SHCBP1: variants seen among roughly 807,000 people sequenced by gnomAD.
The protein encoded by SHCBP1 is SHC binding and spindle associated 1, also known as SHC SH2 domain-binding protein 1.
SHCBP1 carries 60 observed loss-of-function variants against 75.1 expected under a neutral mutation model. That is an observed-to-expected ratio of 0.80 (90% CI 0.65 to 0.99). The LOEUF (loss-of-function observed/expected upper bound fraction) is 0.99. Ranked by LOEUF, SHCBP1 falls within the 50% of genes least tolerant of loss-of-function variation. The probability of loss-of-function intolerance (pLI) is 0.00; values close to 1 mark genes in which losing one functional copy is unlikely to be tolerated. For missense variants in SHCBP1, 709 were observed against 809.4 expected (o/e 0.88, Z 1.50); for synonymous variants, 290 against 293.2 (o/e 0.99, Z 0.11).
chr16:46,615,345 G>A (rs1055442039), intron 4 of SHCBP1, among the ~76,000 whole-genome samples: 1 of 152,126 alleles, frequency 6.6e-6, no homozygotes, highest in Admixed American at 6.6e-5. Flanking sequence ...ATGTAGGGGT[G>A]GGGGGAGATA....
intron 1 of SHCBP1, 144 bp downstream of exon 1, chr16:46,621,113 A>C: frequency 1.5e-6 from 1 of 669,150 alleles, no homozygotes; most frequent in East Asian, 3.1e-5. Flanking sequence ...AGGTCCCGTC[A>C]CTGGGTCCCG....
intron 10 of SHCBP1, among the ~76,000 whole-genome samples, chr16:46,589,708 A>G (rs1283796398): frequency 6.6e-6 from 1 of 152,214 alleles, no homozygotes; most frequent in Non-Finnish European, 1.5e-5. Context: ...ATGCTCATGG[A>G]TAGGAAGAAT....
intron 11 of SHCBP1, 49 bp from the exon 12 acceptor site, chr16:46,583,706 C>A: frequency 6.4e-7 from 1 of 1,570,942 alleles, no homozygotes; most frequent in South Asian, 1.2e-5. Context: ...TTCAACATTT[C>A]CTGCCTTAAA....
At position 46,579,173 on chromosome 16, in the gene SHCBP1, T is replaced by C. The variant is rs1245267911; in HGVS notation, c.*2556A>G. Among the ~76,000 whole-genome samples, 1 of 151,896 alleles carries C rather than the reference T, an allele frequency of 6.6e-6. No homozygotes were observed. Among genetic ancestry groups the C allele is most frequent in the East Asian group, 1.9e-4 (1 of 5,158 alleles). ...CATAAATTCAAGGTCACACTAAGAG[T>C]GGACCATAAGGACAGGACACACAAT... On this transcript the variant is annotated 3_prime_UTR_variant, in exon 13 of 13. Transcript: ENST00000303383.
At chr16:46,615,817 T>A (rs1021809830) in intron 4 of SHCBP1, 129 bp downstream of exon 4, 79 of 703,736 alleles carry the variant, frequency 1.1e-4, no homozygotes, top group Middle Eastern at 7.9e-4. Flanking sequence ...TATCTTTGGA[T>A]ATTTTTAAAT....
chr16:46,591,034 G>A (rs527844035), intron 10 of SHCBP1, among the ~76,000 whole-genome samples: 1 of 152,272 alleles, frequency 6.6e-6, no homozygotes, highest in African/African-American at 2.4e-5. Context: ...GGATGAAGCT[G>A]GAAACCATCA....
intron 5 of SHCBP1, among the ~76,000 whole-genome samples, chr16:46,605,597 AAAAC>A (rs1216640259): frequency 2.6e-5 from 4 of 152,298 alleles, no homozygotes; most frequent in East Asian, 1.9e-4. Flanking sequence ...CCTGTCTCAA[AAAAC>A]AAACAAACAA....
At chr16:46,602,163 C>T (rs2143000281) in intron 8 of SHCBP1, among the ~76,000 whole-genome samples, 1 of 152,318 alleles carries the variant, frequency 6.6e-6, no homozygotes, top group African/African-American at 2.4e-5. Context: ...GAACTCTTAT[C>T]TACCATACAA....
chr16:46,593,832 A>T (rs957812778), intron 10 of SHCBP1, among the ~76,000 whole-genome samples: 1 of 152,034 alleles, frequency 6.6e-6, no homozygotes, highest in Non-Finnish European at 1.5e-5. Flanking sequence ...TCCCAAATTG[A>T]CATATGGGTT....
In SHCBP1 at chr16:46,588,137, A is replaced by G. The variant is rs8058433; in HGVS notation, c.1465-4048T>C. On this transcript the variant is annotated intron_variant, in intron 10 of 12. Transcript: ENST00000303383. ...TGAAACCAACGAGAACAAAGACACAACATACCAGAATCTCTGGGACACATT... is the reference window on the plus strand; with the variant it reads ...TGAAACCAACGAGAACAAAGACACAGCATACCAGAATCTCTGGGACACATT... Among the ~76,000 whole-genome samples the G allele has an allele frequency of 6.5e-3, 992 of 152,360 alleles. 15 individuals are homozygous for G. The highest frequency in any genetic ancestry group is 0.022 in the African/African-American group (919 of 41,580).
At chr16:46,591,997 A>C (rs761581059) in intron 10 of SHCBP1, among the ~76,000 whole-genome samples, 1 of 152,118 alleles carries the variant, frequency 6.6e-6, no homozygotes, top group Non-Finnish European at 1.5e-5. Flanking sequence ...TTACATTAGA[A>C]AAGAGAAAAA....
rs529046368 is a variant in SHCBP1, at chr16:46,618,084, G to A, written c.271+121C>T. 12 of 966,844 alleles carry A rather than the reference G, an allele frequency of 1.2e-5. No individual in the cohort carries two copies. The African/African-American group carries it at 1.8e-4, about 15-fold the overall frequency. 59.9% of individuals were successfully genotyped at this position (966,844 alleles called of 1,614,324 possible). ...CCAGCTACTAGGGAGGCTGAGGCAGGAGAATCACCTGAACCTGGGAGGCGG... is the reference window on the plus strand; with the variant it reads ...CCAGCTACTAGGGAGGCTGAGGCAGAAGAATCACCTGAACCTGGGAGGCGG... On this transcript the variant is annotated intron_variant, in intron 2 of 12. Transcript: ENST00000303383.
At chr16:46,605,897 G>A (rs1965318978) in intron 5 of SHCBP1, among the ~76,000 whole-genome samples, 1 of 151,296 alleles carries the variant, frequency 6.6e-6, no homozygotes, top group Admixed American at 6.6e-5. Flanking sequence ...AGTGAATTAG[G>A]TGAAGCTTGA....
In SHCBP1 at chr16:46,604,325, C is replaced by T. The variant is rs1221524765; in HGVS notation, c.826G>A (p.Glu276Lys). The change falls in exon 6 of 13, where the codon GAG (glutamate) becomes AAG (lysine). Residue 276 changes from glutamate (E) to lysine (K), a missense_variant. Physicochemically the swap from Glu to Lys is moderately conservative, Grantham distance 56 (BLOSUM62 1). Transcript: ENST00000303383. The stretch of plus-strand genomic sequence containing the variant: ...TCCACCATGGAGATATTTTCCTGCT[C>T]GGAATCAGAGTTACAATTTGACAAA... ...SSLSNCNSDS[E>K]QENISMVEGL... The T allele has an allele frequency of 1.2e-6, 2 of 1,614,024 alleles. No individual in the cohort carries two copies. The highest frequency in any genetic ancestry group is 2.7e-5 in the African/African-American group (2 of 74,924).
At chr16:46,592,869 G>GA (rs1398736596) in intron 10 of SHCBP1, among the ~76,000 whole-genome samples, 2 of 111,196 alleles carry the variant, frequency 1.8e-5, no homozygotes, top group African/African-American at 3.3e-5. Context: ...AATCTATCCA[G>GA]AAAAAACATT....
intron 1 of SHCBP1, among the ~76,000 whole-genome samples, chr16:46,618,789 G>T (rs1024307810): frequency 6.6e-6 from 1 of 152,114 alleles, no homozygotes; most frequent in East Asian, 1.9e-4. Flanking sequence ...CTACAGACAT[G>T]CACCACCACA....
chr16:46,609,155 C>G (rs1241619300), intron 4 of SHCBP1, among the ~76,000 whole-genome samples: 1 of 152,048 alleles, frequency 6.6e-6, no homozygotes, highest in African/African-American at 2.4e-5. Context: ...GTTCTCAACC[C>G]TCATTGTACA....
intron 2 of SHCBP1, among the ~76,000 whole-genome samples, 171 bp downstream of exon 2, chr16:46,618,034 G>A (rs1965529113): frequency 6.6e-6 from 1 of 152,148 alleles, no homozygotes. Flanking sequence ...AAAATTATCT[G>A]GTGGTATGGC....
chr16:46,585,693 TG>T (rs1229477379), intron 10 of SHCBP1, among the ~76,000 whole-genome samples: 1 of 152,182 alleles, frequency 6.6e-6, no homozygotes, highest in Non-Finnish European at 1.5e-5. Context: ...ATGAGGAGCC[TG>T]GACTTGTACC....
Sources: gnomAD v4.1 joint callset for allele counts (sites outside exome capture counted in the v4.1 genomes callset) on GRCh38, gnomAD v4.1.1 for gene constraint, MANE v1.5 for transcripts, NCBI Gene and HGNC (gene_info 2026-07-23, HGNC 2026-07-21) for gene names.